The following CFAP47 variants were observed in gnomAD, a reference collection of about 807,000 sequenced individuals.
CFAP47 encodes the protein cilia and flagella associated protein 47.
In CFAP47, 29 loss-of-function variants were observed where a neutral mutation model predicts 148.1. The ratio of observed to expected loss-of-function variants is 0.20; its 90% CI spans 0.15 to 0.27. The LOEUF (loss-of-function observed/expected upper bound fraction) is 0.27, where lower values mean the gene tolerates loss of function less well. Ranked by LOEUF, CFAP47 falls within the 10% of genes least tolerant of loss-of-function variation. CFAP47 has a pLI of 1.00. For synonymous variants in CFAP47, 664 were observed against 577.3 expected, an observed-to-expected ratio of 1.15 and a Z score of -2.15; for missense variants, 1,872 against 1,697.5, an observed-to-expected ratio of 1.10 and a Z score of -1.81.
chrX:36,291,727 T>A (rs1556005590), intron 51 of CFAP47, among the ~76,000 whole-genome samples: 1 of 111,277 alleles, frequency 9.0e-6, no homozygotes, highest in African/African-American at 3.3e-5. Flanking sequence ...GTAATGTATC[T>A]AAGCACTGTT....
chrX:35,970,032 A>T (rs933613417), intron 10 of CFAP47, among the ~76,000 whole-genome samples: 2 of 108,974 alleles, frequency 1.8e-5, no homozygotes, highest in African/African-American at 6.7e-5. Flanking sequence ...CATTTATATT[A>T]GGTATATCTC....
intron 26 of CFAP47, among the ~76,000 whole-genome samples, chrX:36,053,242 T>C (rs1937529081): frequency 8.9e-6 from 1 of 111,812 alleles, no homozygotes; most frequent in South Asian, 3.7e-4. Context: ...TACTCAAAGC[T>C]CTCCTTATGG....
intron 45 of CFAP47, among the ~76,000 whole-genome samples, chrX:36,214,700 A>C (rs1303954361): frequency 9.0e-6 from 1 of 110,967 alleles, no homozygotes; most frequent in Non-Finnish European, 1.9e-5. Context: ...CCCTAGGCCT[A>C]CACAGAGTCG....
chrX:36,088,920 A>G (rs1372912161), intron 30 of CFAP47, among the ~76,000 whole-genome samples: 2 of 112,108 alleles, frequency 1.8e-5, no homozygotes, highest in African/African-American at 6.5e-5. Flanking sequence ...CCATCAGAAG[A>G]ATATAAAGCT....
intron 61 of CFAP47, among the ~76,000 whole-genome samples, chrX:36,365,136 T>G (rs1245941115): frequency 9.3e-6 from 1 of 107,814 alleles, no homozygotes; most frequent in Non-Finnish European, 1.9e-5. Flanking sequence ...CTTGAAATAG[T>G]GGGAATAGAG....
Position 35,976,884 on chromosome X carries a change from C to T in CFAP47, c.2713+971C>T, listed in dbSNP as rs189081362. On this transcript the variant is annotated intron_variant, in intron 15 of 63. Transcript: ENST00000378653. The stretch of plus-strand genomic sequence containing the variant: ...GTGCCCTGTATTTGTGAAGCATCCT[C>T]TTAACCTTGTTTCTGCCATTCCCTG... Among the ~76,000 whole-genome samples, 8 of 111,691 alleles carry T rather than the reference C, an allele frequency of 7.2e-5. No homozygotes were observed. In the East Asian group the frequency reaches 2.3e-3, roughly 32 times the overall value.
intron 2 of CFAP47, 33 bp from the exon 3 acceptor site, chrX:35,941,250 A>C (rs764247271): frequency 2.5e-6 from 2 of 805,056 alleles, no homozygotes; most frequent in East Asian, 6.8e-5. Context: ...TGATTGTTAA[A>C]TTAATTATGT....
intron 63 of CFAP47, 83 bp downstream of exon 63, chrX:36,379,601 A>C: frequency 1.4e-6 from 1 of 734,288 alleles, no homozygotes; most frequent in Non-Finnish European, 2.0e-6. Context: ...GTTTTACTAC[A>C]TGGTGACAGA....
At chrX:36,021,692 G>A (rs867129951) in intron 22 of CFAP47, among the ~76,000 whole-genome samples, 4 of 73,966 alleles carry the variant, frequency 5.4e-5, no homozygotes, top group Non-Finnish European at 9.5e-5. Context: ...GACAGGCCAC[G>A]ATGTGTGATG....
intron 26 of CFAP47, among the ~76,000 whole-genome samples, chrX:36,052,290 T>C (rs1035742151): frequency 8.9e-6 from 1 of 112,151 alleles, no homozygotes; most frequent in Non-Finnish European, 1.9e-5. Context: ...CATAGTAGAA[T>C]GATTGACCTT....
intron 10 of CFAP47, among the ~76,000 whole-genome samples, chrX:35,970,274 C>T (rs1936470100): frequency 9.0e-6 from 1 of 110,756 alleles, no homozygotes; most frequent in East Asian, 2.8e-4. Context: ...GAATTGTTTC[C>T]TCTATATAGG....
chrX:36,384,731 C>G, intron 63 of CFAP47, 66 bp from the exon 64 acceptor site: 1 of 849,869 alleles, frequency 1.2e-6, no homozygotes. Flanking sequence ...TTATAGTGAA[C>G]TTTTCCCTAC....
At position 36,299,186 on chromosome X, in the gene CFAP47, T is replaced by C. The variant is rs991440536; in HGVS notation, c.7862+34T>C. The C allele has an allele frequency of 3.4e-5, 29 of 861,966 alleles. No individual in the cohort carries two copies. The Middle Eastern group carries it at 9.0e-4, about 27-fold the overall frequency. 71.0% of individuals were successfully genotyped at this position (861,966 alleles called of 1,213,427 possible). ...TGAGTGTGGCATTATATTTCATTGT[T>C]GATCCTTAGAAATTAACCTTTAAAA... On this transcript the variant is annotated intron_variant, in intron 52 of 63. Coordinates refer to ENST00000378653, the MANE Select transcript of CFAP47 (RefSeq NM_001304548.2).
At chrX:36,186,057 TATA>T (rs1210401176) in intron 40 of CFAP47, among the ~76,000 whole-genome samples, 2 of 111,870 alleles carry the variant, frequency 1.8e-5, no homozygotes, top group African/African-American at 6.5e-5. Context: ...AAGAGTGTAA[TATA>T]ATAAAATATA....
intron 37 of CFAP47, among the ~76,000 whole-genome samples, chrX:36,150,118 T>C (rs1326813059): frequency 9.0e-6 from 1 of 111,187 alleles, no homozygotes; most frequent in Non-Finnish European, 1.9e-5. Flanking sequence ...AGATGATATA[T>C]ATACATGTAA....
chrX:36,269,602 G>A (rs1940934473), intron 49 of CFAP47, among the ~76,000 whole-genome samples: 1 of 112,316 alleles, frequency 8.9e-6, no homozygotes, highest in Non-Finnish European at 1.9e-5. Flanking sequence ...GTGCTTGCTG[G>A]AAGGGATGGG....
rs1936857855 is a variant in CFAP47 at position 35,997,185 on chromosome X, T to C, written c.3100-127T>C. On this transcript the variant is annotated intron_variant, in intron 18 of 63. Coordinates refer to ENST00000378653, the MANE Select transcript of CFAP47 (RefSeq NM_001304548.2). ...GTGATGACAATTACCAGAAAAAATC[T>C]TGTGCATTTATAATATGTTACTATT... is the stretch of plus-strand genomic sequence containing the variant. 6 of 254,185 alleles carry C rather than the reference T, an allele frequency of 2.4e-5. No individual in the cohort carries two copies. In the East Asian group the frequency reaches 2.8e-4, roughly 12 times the overall value. 20.9% of individuals were successfully genotyped at this position (254,185 alleles called of 1,213,427 possible).
chrX:35,936,632 C>G (rs1421600298), intron 2 of CFAP47, among the ~76,000 whole-genome samples: 2 of 110,108 alleles, frequency 1.8e-5, no homozygotes, highest in Non-Finnish European at 1.9e-5. Flanking sequence ...GACTCTGGGT[C>G]TTATTTAAAT....
chrX:36,056,283 A>G (rs1937554140), intron 26 of CFAP47, among the ~76,000 whole-genome samples: 1 of 112,345 alleles, frequency 8.9e-6, no homozygotes, highest in Non-Finnish European at 1.9e-5. Flanking sequence ...GATATGTGAC[A>G]TATACAACAT....
Sources: gnomAD v4.1 joint callset for allele counts (sites outside exome capture counted in the v4.1 genomes callset) on GRCh38, gnomAD v4.1.1 for gene constraint, MANE v1.5 for transcripts, NCBI Gene and HGNC (gene_info 2026-07-23, HGNC 2026-07-21) for gene names.